Variants in LPCAT2 observed in about 807,000 individuals in gnomAD.
LPCAT2 encodes lysophosphatidylcholine acyltransferase 2.
A neutral mutation model predicts 64.7 loss-of-function variants in LPCAT2; 58 were observed. The observed-to-expected ratio is 0.90, with a 90% CI of 0.73 to 1.12. The LOEUF is 1.12. LPCAT2 is among the 50% of genes most tolerant of loss of function. The pLI, the probability that LPCAT2 is intolerant of heterozygous loss-of-function variation, is 0.00. For missense variants in LPCAT2, 579 were observed against 669.8 expected (o/e 0.86, Z 1.50); for synonymous variants, 252 against 245.3 (o/e 1.03, Z -0.26).
In LPCAT2 at chr16:55,574,642, C is replaced by T; in HGVS notation, c.1227C>T (p.Gly409=). Residue 409 remains glycine (G), a synonymous_variant, in exon 12 of 14, where the codon GGC becomes GGT. Transcript: ENST00000262134. The part of the protein sequence containing the change: ...LFALFDRNHD[G]SIDFREYVIG... The stretch of plus-strand genomic sequence containing the variant: ...CCATCCTTTCACAGAACCATGATGG[C>T]AGCATTGACTTCCGAGAGTATGTGA... 6.2e-7 allele frequency: 1 copy of T among 1,612,310 alleles called. No homozygotes were observed. The highest frequency in any genetic ancestry group is 8.5e-7 in the Non-Finnish European group (1 of 1,178,516).
At chr16:55,544,855 A>G (rs1343461358) in intron 8 of LPCAT2, among the ~76,000 whole-genome samples, 1 of 152,134 alleles carries the variant, frequency 6.6e-6, no homozygotes, top group African/African-American at 2.4e-5. Flanking sequence ...AATTCTGGCC[A>G]TGTGACTTGC....
chr16:55,524,571 G>T (rs1963141921), intron 1 of LPCAT2, among the ~76,000 whole-genome samples: 1 of 151,904 alleles, frequency 6.6e-6, no homozygotes. Flanking sequence ...CTAAAGATCA[G>T]ATAATTAGAA....
intron 11 of LPCAT2, among the ~76,000 whole-genome samples, chr16:55,561,097 C>T (rs370533899): frequency 6.0e-4 from 91 of 152,052 alleles, no homozygotes; most frequent in African/African-American, 1.9e-3. Flanking sequence ...TGTCTGGCTT[C>T]TTTCACTTAG....
intron 11 of LPCAT2, among the ~76,000 whole-genome samples, chr16:55,563,325 C>G (rs1367745914): frequency 2.6e-5 from 4 of 151,880 alleles, no homozygotes; most frequent in African/African-American, 7.2e-5. Context: ...CAGTTCTTTT[C>G]AAACTCTTCC....
chr16:55,534,012 T>C (rs1254666926), intron 6 of LPCAT2, among the ~76,000 whole-genome samples: 2 of 152,202 alleles, frequency 1.3e-5, no homozygotes, highest in Non-Finnish European at 2.9e-5. Context: ...TTAAAATCTA[T>C]CAAACTTTTA....
At chr16:55,518,110 G>A (rs896555415) in intron 1 of LPCAT2, among the ~76,000 whole-genome samples, 10 of 152,052 alleles carry the variant, frequency 6.6e-5, no homozygotes, top group Non-Finnish European at 1.3e-4. Context: ...CAGGATACAA[G>A]ATCAATATAC....
At chr16:55,533,406 G>GTTTTTTTTTTTTT (rs11335464) in intron 6 of LPCAT2, among the ~76,000 whole-genome samples, 11 of 96,444 alleles carry the variant, frequency 1.1e-4, no homozygotes, top group East Asian at 2.9e-4. Context: ...TGTTTTTCGG[G>GTTTTTTTTTTTTT]TTTTTTTTTT....
chr16:55,574,791 G>A, intron 12 of LPCAT2, 62 bp downstream of exon 12: 6 of 1,192,990 alleles, frequency 5.0e-6, no homozygotes, highest in Non-Finnish European at 5.0e-6. Context: ...GACTCTAAGT[G>A]TATTATTTGA....
At chr16:55,527,479 CAAAAA>C (rs202093136) in intron 2 of LPCAT2, among the ~76,000 whole-genome samples, 2 of 58,386 alleles carry the variant, frequency 3.4e-5, no homozygotes, top group Non-Finnish European at 3.7e-5. Flanking sequence ...AACTCCATCT[CAAAAA>C]AAAAAAAAAA....
intron 6 of LPCAT2, among the ~76,000 whole-genome samples, chr16:55,533,406 GTTTTTT>G (rs11335464): frequency 2.1e-5 from 2 of 96,444 alleles, no homozygotes; most frequent in African/African-American, 4.1e-5. Flanking sequence ...TGTTTTTCGG[GTTTTTT>G]TTTTTTTTTT....
At chr16:55,566,854 G>A in intron 11 of LPCAT2, 2 of 1,613,914 alleles carry the variant, frequency 1.2e-6, no homozygotes, top group Non-Finnish European at 1.7e-6. Context: ...AGAGAAGGAG[G>A]AGGAAGAAAT....
intron 4 of LPCAT2, among the ~76,000 whole-genome samples, chr16:55,531,047 A>C (rs1371029954): frequency 6.6e-6 from 1 of 152,176 alleles, no homozygotes; most frequent in Non-Finnish European, 1.5e-5. Context: ...CACTGAATAA[A>C]ATATATTTGA....
At chr16:55,523,927 T>C (rs1298796122) in intron 1 of LPCAT2, among the ~76,000 whole-genome samples, 1 of 151,712 alleles carries the variant, frequency 6.6e-6, no homozygotes, top group Non-Finnish European at 1.5e-5. Flanking sequence ...CTTAATAAAG[T>C]TTTTTTTAAG....
At chr16:55,567,491 C>T in intron 11 of LPCAT2, 3 of 1,612,670 alleles carry the variant, frequency 1.9e-6, no homozygotes, top group Non-Finnish European at 2.5e-6. Context: ...TGCAGTTGAC[C>T]ATGTATTCCT....
chr16:55,583,809 A>T lies in LPCAT2; in HGVS notation c.*711A>T, dbSNP rs1963914904. 1 of 152,142 alleles carries T rather than the reference A, an allele frequency of 6.6e-6. No individual in the cohort carries two copies. The highest frequency in any genetic ancestry group is 2.4e-5 in the African/African-American group (1 of 41,410). The allele number at this position is 152,142 out of a possible 1,614,324, so 9.4% of individuals were successfully genotyped here. On this transcript the variant is annotated 3_prime_UTR_variant, in exon 14 of 14. Coordinates refer to ENST00000262134, the MANE Select transcript of LPCAT2 (RefSeq NM_017839.5). The stretch of plus-strand genomic sequence containing the variant: ...GTGATTCTCGTACCTCAGACTCCCG[A>T]GTAGTTGGGATTACAGGTGCCCACC...
chr16:55,567,288 C>A lies in LPCAT2; in HGVS notation c.1216-7343C>A, dbSNP rs764890497. 9.3e-6 allele frequency: 15 copies of A among 1,613,638 alleles called. No individual in the cohort carries two copies. The South Asian group carries it at 1.6e-4, about 18-fold the overall frequency. On this transcript the variant is annotated intron_variant, in intron 11 of 13. Coordinates refer to ENST00000262134, the MANE Select transcript of LPCAT2 (RefSeq NM_017839.5). ...GGGAAGTTCTCAGCTGCGGGGAGCT[C>A]TGCAGGCCGCAGGCTTCCAGCTAAA...
intron 9 of LPCAT2, among the ~76,000 whole-genome samples, chr16:55,546,778 T>A (rs1248773746): frequency 2.0e-5 from 3 of 152,120 alleles, no homozygotes; most frequent in African/African-American, 7.2e-5. Flanking sequence ...TTAGTTTTTA[T>A]GTTTTCTTCT....
intron 8 of LPCAT2, among the ~76,000 whole-genome samples, 194 bp downstream of exon 8, chr16:55,537,826 A>C (rs1342478569): frequency 6.6e-6 from 1 of 152,228 alleles, no homozygotes; most frequent in Non-Finnish European, 1.5e-5. Context: ...AACTTGAAAC[A>C]TGTAACCACC....
chr16:55,559,467 A>C (rs775110285), intron 11 of LPCAT2, among the ~76,000 whole-genome samples: 1 of 152,138 alleles, frequency 6.6e-6, no homozygotes, highest in Non-Finnish European at 1.5e-5. Flanking sequence ...GTATTAGTTC[A>C]AGTGTTAAAT....
Sources: allele counts gnomAD v4.1 joint callset (sites outside exome capture counted in the v4.1 genomes callset), GRCh38; gene constraint gnomAD v4.1.1; transcripts MANE v1.5; gene names NCBI Gene and HGNC (gene_info 2026-07-23, HGNC 2026-07-21).